The following DLG2 variants were observed in gnomAD, a reference collection of about 807,000 sequenced individuals.
DLG2 encodes disks large homolog 2.
DLG2 carries 45 observed loss-of-function variants against 132.5 expected under a neutral mutation model. The ratio of observed to expected loss-of-function variants is 0.34; its 90% CI spans 0.27 to 0.44. The LOEUF (loss-of-function observed/expected upper bound fraction) is 0.44, where lower values mean the gene tolerates loss of function less well. Among genes scored for constraint, DLG2 ranks in the 20% least tolerant of loss-of-function variants. The pLI, the probability that DLG2 is intolerant of heterozygous loss-of-function variation, is 1.00. For missense variants in DLG2, 1,045 were observed against 1,196.9 expected (o/e 0.87, Z 1.87); for synonymous variants, 424 against 419.6 (o/e 1.01, Z -0.13).
chr11:84,955,341 T>C (rs1394368269), intron 6 of DLG2: 2 of 152,190 alleles, frequency 1.3e-5, no homozygotes, highest in African/African-American at 4.8e-5. Flanking sequence ...CATTTACAGA[T>C]GAGAAGACTT....
intron 6 of DLG2, among the ~76,000 whole-genome samples, chr11:85,040,779 G>C: frequency 6.6e-6 from 1 of 151,758 alleles, no homozygotes; most frequent in East Asian, 1.9e-4. Flanking sequence ...TTTCATTCTT[G>C]ATTGGATCAT....
intron 6 of DLG2, among the ~76,000 whole-genome samples, chr11:85,046,026 G>C (rs1181552622): frequency 1.3e-5 from 2 of 152,100 alleles, no homozygotes; most frequent in East Asian, 1.9e-4. Context: ...CTCAGGTTTA[G>C]TAGGAAGCAC....
At chr11:84,360,914 G>C (rs1398140523) in intron 7 of DLG2, among the ~76,000 whole-genome samples, 2 of 151,822 alleles carry the variant, frequency 1.3e-5, no homozygotes, top group Non-Finnish European at 2.9e-5. Context: ...AAGAGTATGA[G>C]AGAAATGGAA....
chr11:84,472,657 C>CA (rs2099111442), intron 7 of DLG2, among the ~76,000 whole-genome samples: 1 of 151,852 alleles, frequency 6.6e-6, no homozygotes, highest in African/African-American at 2.4e-5. Context: ...CATACTTAAG[C>CA]CCATCTCAAA....
intron 11 of DLG2, among the ~76,000 whole-genome samples, chr11:84,029,826 C>G (rs60228859): frequency 4.3e-4 from 65 of 152,150 alleles, no homozygotes; most frequent in African/African-American, 1.2e-3. Context: ...TGTTCTCTTC[C>G]TATATTTCAT....
intron 6 of DLG2, among the ~76,000 whole-genome samples, chr11:84,684,451 G>A (rs906518146): frequency 2.0e-5 from 3 of 151,964 alleles, no homozygotes; most frequent in African/African-American, 7.3e-5. Flanking sequence ...GGGTGTCCAG[G>A]GCCTGTTAAA....
intron 7 of DLG2, among the ~76,000 whole-genome samples, chr11:84,363,477 G>T (rs921478496): frequency 3.3e-5 from 5 of 152,044 alleles, no homozygotes; most frequent in Non-Finnish European, 7.4e-5. Context: ...TCACTCTGAT[G>T]GTAGTTTCTT....
intron 12 of DLG2, among the ~76,000 whole-genome samples, chr11:83,979,025 C>CTGTT (rs1468973420): frequency 2.6e-5 from 4 of 152,036 alleles, no homozygotes; most frequent in African/African-American, 9.7e-5. Flanking sequence ...AAATGTACTG[C>CTGTT]TGTTAGAAAT....
At chr11:85,337,537 A>G (rs1035371843) in intron 3 of DLG2, among the ~76,000 whole-genome samples, 1 of 152,216 alleles carries the variant, frequency 6.6e-6, no homozygotes, top group Non-Finnish European at 1.5e-5. Context: ...GTAAGATGCA[A>G]GACTGTACAT....
chr11:85,369,619 T>C (rs1342149847), intron 3 of DLG2, among the ~76,000 whole-genome samples: 1 of 152,192 alleles, frequency 6.6e-6, no homozygotes, highest in East Asian at 1.9e-4. Flanking sequence ...GTCTGCATGG[T>C]TTGTGCTCCA....
rs557644310 is a variant in DLG2 at position 84,569,931 on chromosome 11, G to A, written c.358-35200C>T. ...TAAGCTACCTCTATTTTGATTTCCT[G>A]ACAGTTAGTAGCAATGCCTAATTCT... On this transcript the variant is annotated intron_variant, in intron 6 of 27. Transcript: ENST00000376104. Among the ~76,000 whole-genome samples, 3 of 152,262 alleles carry A rather than the reference G, an allele frequency of 2.0e-5. No homozygotes were observed. In the East Asian group the frequency reaches 5.8e-4, roughly 29 times the overall value.
At chr11:85,376,753 T>G (rs1456193507) in intron 3 of DLG2, among the ~76,000 whole-genome samples, 1 of 152,084 alleles carries the variant, frequency 6.6e-6, no homozygotes, top group Non-Finnish European at 1.5e-5. Context: ...AACCAACCAT[T>G]AGAAAAGGGT....
chr11:84,219,714 A>C (rs550185099), intron 8 of DLG2, among the ~76,000 whole-genome samples: 55 of 152,296 alleles, frequency 3.6e-4, no homozygotes, highest in African/African-American at 1.3e-3. Flanking sequence ...CTTCCTCCCC[A>C]AAGCTTACAT....
intron 5 of DLG2, among the ~76,000 whole-genome samples, chr11:85,142,662 T>C (rs2076577062): frequency 6.6e-6 from 1 of 151,796 alleles, no homozygotes; most frequent in Admixed American, 6.6e-5. Context: ...AAAAGGCTTT[T>C]AATTTTTCCC....
In DLG2 at chr11:85,049,939, A is replaced by G. The variant is rs75941790; in HGVS notation, c.357+61722T>C. On this transcript the variant is annotated intron_variant, in intron 6 of 27. Coordinates refer to ENST00000376104, the MANE Select transcript of DLG2 (RefSeq NM_001142699.3). Reference sequence around the variant, plus strand: ...TTGCCAGATTTCTCATTCCCTTTCCAATAATTTACCTAATTTGAACCTATA... The same window carrying G: ...TTGCCAGATTTCTCATTCCCTTTCCGATAATTTACCTAATTTGAACCTATA... Among the ~76,000 whole-genome samples the G allele has an allele frequency of 1.1e-4, 16 of 152,190 alleles. No homozygotes were observed. The East Asian group carries it at 3.1e-3, about 29-fold the overall frequency.
chr11:85,264,803 T>C (rs529393677), intron 4 of DLG2, among the ~76,000 whole-genome samples: 22 of 152,352 alleles, frequency 1.4e-4, no homozygotes, highest in African/African-American at 5.0e-4. Flanking sequence ...TCAGGTCTCA[T>C]GGATGTAGCT....
At chr11:84,390,533 GTA>G (rs1369718657) in intron 7 of DLG2, among the ~76,000 whole-genome samples, 1 of 152,108 alleles carries the variant, frequency 6.6e-6, no homozygotes, top group Admixed American at 6.6e-5. Context: ...AGGAAAAACT[GTA>G]TGAGTTTCGA....
rs895625117 is a variant in DLG2, at chr11:84,832,837, A to C, written c.357+278824T>G. The stretch of plus-strand genomic sequence containing the variant: ...CCCCCCTCCGCCCCCAGTTTGGATT[A>C]TATCCGTGGCATTTAACACAAGTGA... On this transcript the variant is annotated intron_variant, in intron 6 of 27. Coordinates refer to ENST00000376104, the MANE Select transcript of DLG2 (RefSeq NM_001142699.3). 4.6e-5 allele frequency among the ~76,000 whole-genome samples: 7 copies of C among 151,528 alleles called. No homozygotes were observed. The Admixed American group carries it at 4.6e-4, about 10-fold the overall frequency.
At chr11:85,585,833 C>A (rs2078931043) in intron 3 of DLG2, among the ~76,000 whole-genome samples, 1 of 152,098 alleles carries the variant, frequency 6.6e-6, no homozygotes, top group South Asian at 2.1e-4. Flanking sequence ...CCTGCCTCAG[C>A]CTCTGGAGTA....
Sources: gnomAD v4.1 joint callset for allele counts (sites outside exome capture counted in the v4.1 genomes callset) on GRCh38, gnomAD v4.1.1 for gene constraint, MANE v1.5 for transcripts, NCBI Gene and HGNC (gene_info 2026-07-23, HGNC 2026-07-21) for gene names.